NEK11: variants seen among roughly 807,000 people sequenced by gnomAD.
The protein encoded by NEK11 is serine/threonine-protein kinase Nek11.
Under a neutral mutation model 80.7 loss-of-function variants are expected in NEK11, and 72 were observed. The ratio of observed to expected loss-of-function variants is 0.89; its 90% CI spans 0.74 to 1.08. NEK11 has a LOEUF of 1.08. Among genes scored for constraint, NEK11 ranks in the 50% least tolerant of loss-of-function variants. The pLI, the probability that NEK11 is intolerant of heterozygous loss-of-function variation, is 0.00. For missense variants in NEK11, 764 were observed against 763.6 expected (o/e 1.00, Z -0.01); for synonymous variants, 251 against 260.7 (o/e 0.96, Z 0.36).
intron 3 of NEK11, among the ~76,000 whole-genome samples, chr3:131,042,053 G>A (rs1450798603): frequency 1.3e-5 from 2 of 152,182 alleles, no homozygotes. Flanking sequence ...GTGCCATGAG[G>A]AACAGTGCAT....
chr3:131,184,711 A>G, intron 14 of NEK11: 2 of 1,214,178 alleles, frequency 1.6e-6, no homozygotes, highest in Non-Finnish European at 2.2e-6. Context: ...GGAGACTGTA[A>G]TCTAATTTCA....
Position 131,177,847 on chromosome 3 carries a change from C to T in NEK11, c.1399+6960C>T, listed in dbSNP as rs1346139819. Among the ~76,000 whole-genome samples, 9 of 152,194 alleles carry T rather than the reference C, an allele frequency of 5.9e-5. 1 individual carries two copies. The highest frequency in any genetic ancestry group is 5.9e-4 in the Admixed American group (9 of 15,278). On this transcript the variant is annotated intron_variant, in intron 14 of 17. Transcript: ENST00000383366. ...CAAATATCACTCACGTGAATACAGT[C>T]ATGTACTGCTTAATGACAGGAATAT...
chr3:131,300,349 A>G (rs2109160997), intron 17 of NEK11, among the ~76,000 whole-genome samples: 1 of 152,130 alleles, frequency 6.6e-6, no homozygotes, highest in South Asian at 2.1e-4. Flanking sequence ...CTCTGTTGAC[A>G]TTTTCTTTTG....
intron 17 of NEK11, among the ~76,000 whole-genome samples, chr3:131,326,528 G>A (rs566779139): frequency 6.6e-6 from 1 of 152,266 alleles, no homozygotes; most frequent in Admixed American, 6.5e-5. Context: ...TGGCTTGTAT[G>A]ACTCATCTTT....
intron 3 of NEK11, among the ~76,000 whole-genome samples, chr3:131,050,809 G>T (rs963272384): frequency 6.6e-6 from 1 of 152,190 alleles, no homozygotes; most frequent in Non-Finnish European, 1.5e-5. Flanking sequence ...CAGGAGGATC[G>T]CTTGAACCCA....
At chr3:131,096,196 C>G (rs1319748684) in intron 4 of NEK11, among the ~76,000 whole-genome samples, 1 of 151,866 alleles carries the variant, frequency 6.6e-6, no homozygotes, top group Non-Finnish European at 1.5e-5. Flanking sequence ...CCTCCCCTAT[C>G]TAGTAGTTGG....
chr3:131,180,368 C>G lies in NEK11; in HGVS notation c.1399+9481C>G, dbSNP rs113259164. Among the ~76,000 whole-genome samples the G allele has an allele frequency of 2.7e-3, 414 of 152,264 alleles. 1 individual carries two copies. Among genetic ancestry groups the G allele is most frequent in the African/African-American group, 9.4e-3 (389 of 41,558 alleles). ...ACAAAACCCAAATATATAATTGAAT[C>G]ATGTGAAATTTATGTTCCAATTAGA... is the stretch of plus-strand genomic sequence containing the variant. On this transcript the variant is annotated intron_variant, in intron 14 of 17. Transcript: ENST00000383366.
At position 131,335,582 on chromosome 3, in the gene NEK11, A is replaced by G. The variant is rs377674777; in HGVS notation, c.1719-13975A>G. 4.9e-3 allele frequency among the ~76,000 whole-genome samples: 745 copies of G among 152,046 alleles called. 10 individuals carry two copies. Among genetic ancestry groups the G allele is most frequent in the African/African-American group, 0.017 (694 of 41,410 alleles). On this transcript the variant is annotated intron_variant, in intron 17 of 17. Transcript: ENST00000383366. ...CAAGCCAGGGATGCCCTCTCTCACC[A>G]CTCCTATTCAACATAGTGTTGGACG...
At chr3:131,105,037 G>C (rs140359782) in intron 4 of NEK11, among the ~76,000 whole-genome samples, 2 of 152,184 alleles carry the variant, frequency 1.3e-5, no homozygotes, top group Non-Finnish European at 2.9e-5. Flanking sequence ...ATGGCCTCCT[G>C]TATGATCCAC....
At chr3:131,076,263 G>A (rs988392192) in intron 3 of NEK11, among the ~76,000 whole-genome samples, 1 of 152,208 alleles carries the variant, frequency 6.6e-6, no homozygotes, top group Non-Finnish European at 1.5e-5. Flanking sequence ...CATGAAAACA[G>A]CAGTAAGCAA....
At position 131,280,233 on chromosome 3, in the gene NEK11, T is replaced by G. The variant is rs56159512; in HGVS notation, c.1718+6659T>G. On this transcript the variant is annotated intron_variant, in intron 17 of 17. Coordinates refer to ENST00000383366, the MANE Select transcript of NEK11 (RefSeq NM_024800.5). Reference sequence around the variant, plus strand: ...TCTGGTGACATTCTCTGAATCACCTTTGCATTGCCAATTCATGCAGTGAGC... The same window carrying G: ...TCTGGTGACATTCTCTGAATCACCTGTGCATTGCCAATTCATGCAGTGAGC... 2.1e-3 allele frequency among the ~76,000 whole-genome samples: 326 copies of G among 152,332 alleles called. 1 individual carries two copies. The highest frequency in any genetic ancestry group is 7.4e-3 in the African/African-American group (307 of 41,574).
intron 5 of NEK11, among the ~76,000 whole-genome samples, chr3:131,130,334 T>A (rs1043627803): frequency 4.6e-5 from 7 of 152,220 alleles, no homozygotes; most frequent in African/African-American, 1.7e-4. Flanking sequence ...GAGGTTTTTT[T>A]AATTGATTCT....
intron 17 of NEK11, among the ~76,000 whole-genome samples, chr3:131,308,246 C>T (rs1412213003): frequency 6.6e-6 from 1 of 152,180 alleles, no homozygotes; most frequent in Non-Finnish European, 1.5e-5. Flanking sequence ...AACATGGAGC[C>T]TCATCAGTCT....
At chr3:131,325,300 A>G (rs1007699729) in intron 17 of NEK11, 25 of 151,960 alleles carry the variant, frequency 1.6e-4, no homozygotes, top group African/African-American at 6.1e-4. Flanking sequence ...AATAACTTAT[A>G]CCATTTACTT....
chr3:131,047,732 T>C (rs1313140799), intron 3 of NEK11, among the ~76,000 whole-genome samples: 2 of 152,210 alleles, frequency 1.3e-5, no homozygotes, highest in African/African-American at 4.8e-5. Flanking sequence ...TTGTTTATTG[T>C]ACTAGTTTTG....
intron 3 of NEK11, among the ~76,000 whole-genome samples, chr3:131,050,270 G>A (rs2068150158): frequency 6.6e-6 from 1 of 152,226 alleles, no homozygotes. Context: ...GGAGATTGCA[G>A]TAGAGTTTTA....
chr3:131,106,484 C>T (rs920336629), intron 4 of NEK11, among the ~76,000 whole-genome samples: 3 of 151,980 alleles, frequency 2.0e-5, no homozygotes, highest in African/African-American at 7.2e-5. Flanking sequence ...AGCTATGTCA[C>T]ATAGAGATAA....
At chr3:131,129,835 G>A (rs1241574902) in intron 5 of NEK11, among the ~76,000 whole-genome samples, 2 of 151,866 alleles carry the variant, frequency 1.3e-5, no homozygotes, top group Non-Finnish European at 2.9e-5. Context: ...CTTAATTACT[G>A]TACTTTATAG....
chr3:131,132,481 A>G (rs1430925804), intron 5 of NEK11, among the ~76,000 whole-genome samples: 2 of 152,078 alleles, frequency 1.3e-5, no homozygotes, highest in Non-Finnish European at 2.9e-5. Flanking sequence ...ACATAATAAA[A>G]TATAGCCTAT....
Sources: gnomAD v4.1 joint callset for allele counts (sites outside exome capture counted in the v4.1 genomes callset) on GRCh38, gnomAD v4.1.1 for gene constraint, MANE v1.5 for transcripts, NCBI Gene and HGNC (gene_info 2026-07-23, HGNC 2026-07-21) for gene names.